Variants in SGCD observed in about 807,000 individuals in gnomAD.
The protein encoded by SGCD is sarcoglycan delta, also known as delta-sarcoglycan.
SGCD carries 18 observed loss-of-function variants against 36.6 expected under a neutral mutation model. The observed-to-expected ratio is 0.49, with a 90% confidence interval of 0.34 to 0.73. The LOEUF is 0.73. Among genes scored for constraint, SGCD ranks in the 30% least tolerant of loss-of-function variants. The pLI is 0.01. For missense variants in SGCD, 387 were observed against 346.7 expected (o/e 1.12, Z -0.92); for synonymous variants, 133 against 130.6 (o/e 1.02, Z -0.12).
At chr5:155,932,994 T>C (rs986818514) in intron 1 of SGCD, among the ~76,000 whole-genome samples, 2 of 152,196 alleles carry the variant, frequency 1.3e-5, no homozygotes, top group African/African-American at 4.8e-5. Flanking sequence ...CTACCTCTTC[T>C]GCATTTTCAT....
In SGCD at chr5:156,664,379, T is replaced by C. The variant is rs189692104; in HGVS notation, c.575+16843T>C. Among the ~76,000 whole-genome samples the C allele has an allele frequency of 7.5e-3, 1,125 of 149,628 alleles. 19 individuals are homozygous for C. The highest frequency in any genetic ancestry group is 0.012 in the Admixed American group (175 of 15,144). ...ACCTTACCGGCTTTTTCATCGGCAA[T>C]TGACTTTTGAGCAACATCTTGGAGC... On this transcript the variant is annotated intron_variant, in intron 7 of 8. Coordinates refer to ENST00000337851, the MANE Select transcript of SGCD (RefSeq NM_000337.6).
intron 3 of SGCD, chr5:156,393,724 G>C (rs554581096): frequency 2.6e-5 from 12 of 456,196 alleles, no homozygotes; most frequent in African/African-American, 1.2e-4. Flanking sequence ...CTAACAAAGT[G>C]CTGTCTTACT....
At chr5:156,434,519 G>T (rs1561693028) in intron 3 of SGCD, among the ~76,000 whole-genome samples, 1 of 152,208 alleles carries the variant, frequency 6.6e-6, no homozygotes, top group African/African-American at 2.4e-5. Context: ...ATTAGTTTTG[G>T]TTTCAAATAA....
chr5:156,344,569 T>C lies in SGCD; in HGVS notation c.84T>C (p.Tyr28=), dbSNP rs1801193. 716,230 of 1,610,812 alleles carry C rather than the reference T, an allele frequency of 0.44. 164,446 individuals carry two copies. The highest frequency in any genetic ancestry group is 0.79 in the East Asian group (35,524 of 44,714). The change falls in exon 3 of 9, where the codon TAT becomes TAC. Residue 28 remains tyrosine (Y), a synonymous_variant. Coordinates refer to ENST00000337851, the MANE Select transcript of SGCD (RefSeq NM_000337.6). ...CACAGGTATACAAGGTGGGGATTTATGGCTGGCGGAAACGATGCCTGTATT... is the reference window on the plus strand; with the variant it reads ...CACAGGTATACAAGGTGGGGATTTACGGCTGGCGGAAACGATGCCTGTATT... ...VGPQVYKVGI[Y]GWRKRCLYFF...
intron 3 of SGCD, among the ~76,000 whole-genome samples, chr5:156,437,882 G>C (rs929494828): frequency 6.6e-6 from 1 of 152,278 alleles, no homozygotes; most frequent in East Asian, 1.9e-4. Flanking sequence ...ATTACAAGTG[G>C]ATATTTGAAT....
intron 3 of SGCD, among the ~76,000 whole-genome samples, chr5:156,145,582 T>C (rs1321391739): frequency 6.6e-6 from 1 of 152,172 alleles, no homozygotes; most frequent in African/African-American, 2.4e-5. Context: ...ATTATTTTAA[T>C]AAATTAAGAA....
chr5:155,897,760 A>G (rs569802879), intron 1 of SGCD, among the ~76,000 whole-genome samples: 34 of 152,258 alleles, frequency 2.2e-4, no homozygotes, highest in African/African-American at 6.0e-4. Flanking sequence ...AATCATCAAG[A>G]TATTACTATA....
At chr5:155,918,436 A>G (rs1181116253) in intron 1 of SGCD, among the ~76,000 whole-genome samples, 1 of 152,114 alleles carries the variant, frequency 6.6e-6, no homozygotes, top group African/African-American at 2.4e-5. Flanking sequence ...GGTGCTGGGC[A>G]TCTGTAATCC....
intron 3 of SGCD, among the ~76,000 whole-genome samples, chr5:156,393,092 GCCCCGCTTCCATATCATTTAAAGGGA>G (rs1181002554): frequency 6.6e-6 from 1 of 152,134 alleles, no homozygotes. Context: ...GCACTTCCCT[GCCCCGCTTCCATATCATTTAAAGGGA>G]CCACGCCCTT....
intron 1 of SGCD, among the ~76,000 whole-genome samples, chr5:156,005,805 T>G (rs116204139): frequency 0.018 from 2,699 of 152,298 alleles, 62 homozygotes; most frequent in African/African-American, 0.061. Flanking sequence ...AGCCTTTTCA[T>G]GCTCACTCAG....
the SGCD span, among the ~76,000 whole-genome samples, chr5:155,735,400 T>C: frequency 6.6e-6 from 1 of 152,206 alleles, no homozygotes; most frequent in East Asian, 1.9e-4. Context: ...GCCCAAAAGT[T>C]TGAAAAACTA....
At chr5:156,280,059 C>T (rs924004633) in intron 3 of SGCD, among the ~76,000 whole-genome samples, 1 of 151,898 alleles carries the variant, frequency 6.6e-6, no homozygotes, top group Non-Finnish European at 1.5e-5. Context: ...AAATAGCTTA[C>T]TATGGATGCA....
chr5:156,630,871 A>G lies in SGCD; in HGVS notation c.503-16593A>G, dbSNP rs764705480. Among the ~76,000 whole-genome samples, 16 of 152,298 alleles carry G rather than the reference A, an allele frequency of 1.1e-4. No individual in the cohort carries two copies. In the East Asian group the frequency reaches 1.9e-3, roughly 18 times the overall value. The stretch of plus-strand genomic sequence containing the variant: ...ATTGTGGGACCTAAATATTACTACT[A>G]TTGTTCAACATTATATCCTTAGAAC... On this transcript the variant is annotated intron_variant, in intron 6 of 8. Transcript: ENST00000337851.
intron 1 of SGCD, among the ~76,000 whole-genome samples, chr5:155,891,796 T>A (rs1756137966): frequency 6.6e-6 from 1 of 152,036 alleles, no homozygotes; most frequent in African/African-American, 2.4e-5. Context: ...GTTAAGGCCC[T>A]ACCTGTGTTT....
At chr5:156,024,011 C>T (rs577413450) in intron 1 of SGCD, among the ~76,000 whole-genome samples, 2 of 152,268 alleles carry the variant, frequency 1.3e-5, no homozygotes, top group East Asian at 3.9e-4. Context: ...TGCAGTTCTC[C>T]TGTGGTTTGC....
intron 6 of SGCD, among the ~76,000 whole-genome samples, chr5:156,607,786 G>T (rs1203096194): frequency 1.3e-5 from 2 of 152,124 alleles, no homozygotes; most frequent in East Asian, 1.9e-4. Flanking sequence ...GGGTGTATGT[G>T]TCCAGGAATT....
intron 1 of SGCD, among the ~76,000 whole-genome samples, chr5:156,003,008 A>G (rs1323193741): frequency 1.3e-5 from 2 of 152,154 alleles, no homozygotes; most frequent in African/African-American, 2.4e-5. Flanking sequence ...AGTTTTTGCC[A>G]TGGTCAAGGA....
the SGCD span, among the ~76,000 whole-genome samples, chr5:155,762,952 T>C: frequency 2.6e-5 from 4 of 152,174 alleles, no homozygotes; most frequent in African/African-American, 7.2e-5. Context: ...ACATTACTTA[T>C]ATGGGGTGTC....
At chr5:156,605,172 G>T (rs1761378566) in intron 6 of SGCD, among the ~76,000 whole-genome samples, 1 of 152,068 alleles carries the variant, frequency 6.6e-6, no homozygotes, top group Non-Finnish European at 1.5e-5. Flanking sequence ...TTAACATGAG[G>T]TATATCTCAT....
Sources: gnomAD v4.1 joint callset for allele counts (sites outside exome capture counted in the v4.1 genomes callset) on GRCh38, gnomAD v4.1.1 for gene constraint, MANE v1.5 for transcripts, NCBI Gene and HGNC (gene_info 2026-07-23, HGNC 2026-07-21) for gene names.